The following ZNF597 variants were observed in gnomAD, a reference collection of about 807,000 sequenced individuals.
ZNF597 encodes the protein zinc finger protein 597.
In ZNF597, 5 loss-of-function variants were observed where a neutral mutation model predicts 7.3. The observed-to-expected ratio is 0.68, with a 90% CI of 0.36 to 1.44. The LOEUF (loss-of-function observed/expected upper bound fraction) is 1.44, where lower values mean the gene tolerates loss of function less well. Among genes scored for constraint, ZNF597 ranks in the 40% most tolerant of loss-of-function variants. The probability of loss-of-function intolerance (pLI) is 0.04; values close to 1 mark genes in which losing one functional copy is unlikely to be tolerated. For missense variants in ZNF597, 585 were observed against 517.9 expected (o/e 1.13, Z -1.26); for synonymous variants, 209 against 185.4 (o/e 1.13, Z -1.04).
At position 3,443,161 on chromosome 16, in the gene ZNF597, G is replaced by C. The variant is rs368667715; in HGVS notation, c.-8C>G. On this transcript the variant is annotated 5_prime_UTR_variant, in exon 2 of 4. Transcript: ENST00000301744. ...CGGGGGCATGGACGCCATTTGGCGG[G>C]TGGGGAATGCCTTCTTCAAGACGCC... 3.1e-6 allele frequency: 5 copies of C among 1,612,440 alleles called. No homozygotes were observed. In the African/African-American group the frequency reaches 5.3e-5, roughly 17 times the overall value.
In ZNF597 at chr16:3,437,530, C is replaced by T. The variant is rs764090562; in HGVS notation, c.169G>A (p.Gly57Ser). The T allele has an allele frequency of 3.8e-6, 6 of 1,591,262 alleles. No homozygotes were observed. In the African/African-American group the frequency reaches 6.8e-5, roughly 18 times the overall value. Residue 57 changes from glycine to serine, a missense_variant, in exon 4 of 4, where the codon GGC (glycine) becomes AGC (serine). Physicochemically the swap from Gly to Ser is moderately conservative, Grantham distance 56. Transcript: ENST00000301744. ...LEDAALMGEE[G>S]KPEINQQLSL... is the part of the protein sequence containing the mutation. Reference sequence around the variant, plus strand: ...AACTGCTGATTAATCTCAGGCTTGCCTTCCTCTCCTGTTGATAAAAACAAA... The same window carrying T: ...AACTGCTGATTAATCTCAGGCTTGCTTTCCTCTCCTGTTGATAAAAACAAA...
At chr16:3,442,870 G>A (rs543150622) in intron 2 of ZNF597, among the ~76,000 whole-genome samples, 1 of 152,104 alleles carries the variant, frequency 6.6e-6, no homozygotes, top group East Asian at 1.9e-4. Context: ...AAAACAAACA[G>A]ATAAGACATT....
intron 3 of ZNF597, among the ~76,000 whole-genome samples, chr16:3,439,146 A>T (rs1209297685): frequency 6.6e-6 from 1 of 152,088 alleles, no homozygotes; most frequent in Non-Finnish European, 1.5e-5. Context: ...TGGGAGGCTG[A>T]GGTGGGAGAA....
intron 3 of ZNF597, among the ~76,000 whole-genome samples, chr16:3,437,983 T>C (rs1459368349): frequency 6.6e-6 from 1 of 152,136 alleles, no homozygotes; most frequent in Admixed American, 6.5e-5. Context: ...TCTCAGCACT[T>C]TGGGAAGCTG....
In ZNF597 at chr16:3,434,916, C is replaced by G. The variant is rs777588126; in HGVS notation, c.*1508G>C. The stretch of plus-strand genomic sequence containing the variant: ...AAATATTGTTTTGCTGATAGGCATA[C>G]AATCGACTTTAATGAGAAATTGTAT... On this transcript the variant is annotated 3_prime_UTR_variant, in exon 4 of 4. Coordinates refer to ENST00000301744, the MANE Select transcript of ZNF597 (RefSeq NM_152457.3). 1 of 152,184 alleles carries G rather than the reference C, an allele frequency of 6.6e-6. No individual in the cohort carries two copies. The highest frequency in any genetic ancestry group is 1.5e-5 in the Non-Finnish European group (1 of 68,042). The allele number at this position is 152,184 out of a possible 1,614,324, so 9.4% of individuals were successfully genotyped here.
At chr16:3,443,289 C>G in intron 1 of ZNF597, 71 bp downstream of exon 1, 14 of 831,638 alleles carry the variant, frequency 1.7e-5, no homozygotes, top group Non-Finnish European at 2.5e-5. Context: ...TCGATTCCCT[C>G]CGAACCCCCC....
chr16:3,440,368 G>A (rs1337960005), intron 3 of ZNF597, among the ~76,000 whole-genome samples: 1 of 152,212 alleles, frequency 6.6e-6, no homozygotes, highest in Non-Finnish European at 1.5e-5. Context: ...GGGCTCAGTG[G>A]CTCATGCCTG....
In ZNF597 at chr16:3,433,631, G is replaced by A. The variant is rs1180165809; in HGVS notation, c.*2793C>T. The A allele has an allele frequency of 3.9e-5, 6 of 152,180 alleles. No individual in the cohort carries two copies. Among genetic ancestry groups the A allele is most frequent in the Non-Finnish European group, 8.8e-5 (6 of 68,026 alleles). The allele number at this position is 152,180 out of a possible 1,614,324, so 9.4% of individuals were successfully genotyped here. ...AATTTTATGGAATTTATCTCCATCA[G>A]TTGACACTGTAAACAGAAGGGTGAA... is the stretch of plus-strand genomic sequence containing the variant. On this transcript the variant is annotated 3_prime_UTR_variant, in exon 4 of 4. Coordinates refer to ENST00000301744, the MANE Select transcript of ZNF597 (RefSeq NM_152457.3).
At chr16:3,441,424 C>T (rs1034485360) in intron 2 of ZNF597, among the ~76,000 whole-genome samples, 1 of 152,124 alleles carries the variant, frequency 6.6e-6, no homozygotes, top group African/African-American at 2.4e-5. Flanking sequence ...CAGTGGCTCA[C>T]GCCTGTAACC....
chr16:3,443,222 A>G lies in ZNF597; in HGVS notation c.-53-16T>C, dbSNP rs1023078240. 1 of 1,535,672 alleles carries G rather than the reference A, an allele frequency of 6.5e-7. No homozygotes were observed. The highest frequency in any genetic ancestry group is 1.8e-5 in the Admixed American group (1 of 57,082). ...CGTGACAAAGCTGCGGGGGGAGAGA[A>G]CAGTTCTTAAAGGGACCAATTCCGC... On this transcript the variant is annotated splice_polypyrimidine_tract_variant and intron_variant, in intron 1 of 3. Coordinates refer to ENST00000301744, the MANE Select transcript of ZNF597 (RefSeq NM_152457.3).
In ZNF597 at chr16:3,440,942, C is replaced by G; in HGVS notation, c.34-9G>C. The G allele has an allele frequency of 6.2e-7, 1 of 1,612,256 alleles. No homozygotes were observed. Among genetic ancestry groups the G allele is most frequent in the African/African-American group, 1.3e-5 (1 of 74,952 alleles). On this transcript the variant is annotated splice_polypyrimidine_tract_variant and intron_variant, in intron 2 of 3. Transcript: ENST00000301744. ...TCAAAGAGTATTGGTCCCTGAAACA[C>G]AAGAGCCTGTGTCAGCACAAGAGGG...
chr16:3,440,154 G>A (rs983541593), intron 3 of ZNF597, among the ~76,000 whole-genome samples: 1 of 152,152 alleles, frequency 6.6e-6, no homozygotes, highest in Non-Finnish European at 1.5e-5. Context: ...TTCCCCTTAG[G>A]TGAGTAAGGC....
intron 3 of ZNF597, among the ~76,000 whole-genome samples, chr16:3,437,939 AAGAG>A (rs973035455): frequency 6.6e-6 from 1 of 152,184 alleles, no homozygotes; most frequent in Non-Finnish European, 1.5e-5. Flanking sequence ...TTTATCAACA[AAGAG>A]AGGGGTTGGG....
rs779058938 is a variant in ZNF597, at chr16:3,436,552, C to G, written c.1147G>C (p.Glu383Gln). The change falls in exon 4 of 4, where the codon GAA becomes CAA. Residue 383 changes from glutamate (E) to glutamine (Q), a missense_variant. By Grantham distance (29) the Glu-to-Gln change is conservative (BLOSUM62 2). Coordinates refer to ENST00000301744, the MANE Select transcript of ZNF597 (RefSeq NM_152457.3). ...TGGCTCTTCTGGTGGCATGCAAGTT[C>G]TGAGTCCAAAGCAAAACTTTCCTCG... ...TCEESFALDS[E>Q]LACHQKSHML... 1 of 1,613,802 alleles carries G rather than the reference C, an allele frequency of 6.2e-7. No homozygotes were observed. The highest frequency in any genetic ancestry group is 1.3e-5 in the African/African-American group (1 of 75,024).
Position 3,432,449 on chromosome 16 carries a change from A to T in ZNF597, c.*3975T>A, listed in dbSNP as rs2034265261. The T allele has an allele frequency of 6.6e-6, 1 of 152,220 alleles. No homozygotes were observed. Among genetic ancestry groups the T allele is most frequent in the South Asian group, 2.1e-4 (1 of 4,836 alleles). The allele number at this position is 152,220 out of a possible 1,614,324, so 9.4% of individuals were successfully genotyped here. On this transcript the variant is annotated 3_prime_UTR_variant, in exon 4 of 4. Transcript: ENST00000301744. The stretch of plus-strand genomic sequence containing the variant: ...CATAAAATAGCATTTAATAGAAGCC[A>T]AATTGCACATTAGACGTAATCAATA...
Position 3,432,785 on chromosome 16 carries a change from A to AC in ZNF597, c.*3638dup, listed in dbSNP as rs2034268005. The stretch of plus-strand genomic sequence containing the variant: ...ATCAATAGCTCTTCTAAATTACAAA[A>AC]CTAAACCAGATGAATACATACACTT... On this transcript the variant is annotated 3_prime_UTR_variant, in exon 4 of 4. Coordinates refer to ENST00000301744, the MANE Select transcript of ZNF597 (RefSeq NM_152457.3). 6.6e-6 allele frequency: 1 copy of AC among 152,226 alleles called. No individual in the cohort carries two copies. Among genetic ancestry groups the AC allele is most frequent in the Non-Finnish European group, 1.5e-5 (1 of 68,036 alleles). 9.4% of individuals were successfully genotyped at this position (152,226 alleles called of 1,614,324 possible). A position where few individuals can be genotyped will look rare whatever the true frequency, so the allele number is the denominator to read the frequency against.
intron 2 of ZNF597, among the ~76,000 whole-genome samples, chr16:3,442,534 G>A (rs2034399034): frequency 6.6e-6 from 1 of 152,148 alleles, no homozygotes; most frequent in Non-Finnish European, 1.5e-5. Flanking sequence ...AATTAGCAGG[G>A]CGTGGCGGCA....
At position 3,443,364 on chromosome 16, in the gene ZNF597, C is replaced by A; in HGVS notation, c.-58G>T. ...CCTCGAAAGGGGCCCACTTACCGCT[C>A]CGCGGTTAATAACAGGCCTCGCGCT... On this transcript the variant is annotated 5_prime_UTR_variant, in exon 1 of 4. Transcript: ENST00000301744. 1 of 579,172 alleles carries A rather than the reference C, an allele frequency of 1.7e-6. No homozygotes were observed. The highest frequency in any genetic ancestry group is 2.3e-5 in the South Asian group (1 of 44,350). The allele number at this position is 579,172 out of a possible 1,614,324, so 35.9% of individuals were successfully genotyped here. A position where few individuals can be genotyped will look rare whatever the true frequency, so the allele number is the denominator to read the frequency against.
rs552866114 is a variant in ZNF597, at chr16:3,438,837, C to CTG, written c.161-1300_161-1299insCA. Reference sequence around the variant, plus strand: ...TTCCAAGTATTCTTCAGTTATAAAGCAAATATATCAATACAAAAGGAACTT... The same window carrying CTG: ...TTCCAAGTATTCTTCAGTTATAAAGCTGAAATATATCAATACAAAAGGAACTT... On this transcript the variant is annotated intron_variant, in intron 3 of 3. Transcript: ENST00000301744. Among the ~76,000 whole-genome samples the CTG allele has an allele frequency of 9.8e-3, 1,494 of 152,200 alleles. 13 individuals are homozygous for CTG. Among genetic ancestry groups the CTG allele is most frequent in the Middle Eastern group, 0.044 (13 of 294 alleles).
Sources: allele counts gnomAD v4.1 joint callset (sites outside exome capture counted in the v4.1 genomes callset), GRCh38; gene constraint gnomAD v4.1.1; transcripts MANE v1.5; gene names NCBI Gene and HGNC (gene_info 2026-07-23, HGNC 2026-07-21).